Variants in KIAA1549L observed in about 807,000 individuals in gnomAD.
The protein encoded by KIAA1549L is KIAA1549 like.
Under a neutral mutation model 160.7 loss-of-function variants are expected in KIAA1549L, and 88 were observed. The observed-to-expected ratio is 0.55, with a 90% CI of 0.46 to 0.65. KIAA1549L has a LOEUF of 0.65. KIAA1549L is among the 30% of genes least tolerant of loss of function. KIAA1549L has a pLI of 0.00. For missense variants in KIAA1549L, 2,258 were observed against 2,437.5 expected (o/e 0.93, Z 1.55); for synonymous variants, 950 against 976.7 (o/e 0.97, Z 0.51).
chr11:33,538,749 T>G (rs1853949335), intron 1 of KIAA1549L, among the ~76,000 whole-genome samples: 2 of 152,234 alleles, frequency 1.3e-5, no homozygotes, highest in African/African-American at 4.8e-5. Context: ...ATATAGATAC[T>G]TCCATATAGA....
At chr11:33,613,153 G>T (rs1850690613) in intron 15 of KIAA1549L, among the ~76,000 whole-genome samples, 1 of 152,152 alleles carries the variant, frequency 6.6e-6, no homozygotes. Flanking sequence ...TGGTAGTTCT[G>T]TTCTTAGCTC....
chr11:33,403,438 T>TGCACACAC (rs1850576198), intron 1 of KIAA1549L: 1 of 38,554 alleles, frequency 2.6e-5, no homozygotes, highest in African/African-American at 1.1e-4. Flanking sequence ...CACAGAGACA[T>TGCACACAC]ACATGCAGAC....
chr11:33,553,239 A>G (rs1468713327), intron 6 of KIAA1549L, among the ~76,000 whole-genome samples: 1 of 151,898 alleles, frequency 6.6e-6, no homozygotes, highest in Non-Finnish European at 1.5e-5. Context: ...GGCTCAAGCA[A>G]TTCTCCCTTC....
intron 1 of KIAA1549L, among the ~76,000 whole-genome samples, chr11:33,517,207 A>G (rs761335381): frequency 1.3e-5 from 2 of 152,158 alleles, no homozygotes; most frequent in Non-Finnish European, 1.5e-5. Flanking sequence ...TCTGGAGTTC[A>G]TTTCCCCAAG....
chr11:33,601,036 ATT>A lies in KIAA1549L; in HGVS notation c.4879+2091_4879+2092del, dbSNP rs541704739. On this transcript the variant is annotated intron_variant, in intron 13 of 20. Coordinates refer to ENST00000658780, the MANE Select transcript of KIAA1549L (RefSeq NM_012194.3). The stretch of plus-strand genomic sequence containing the variant: ...CCCTCTCCTCCTGCCTCTTTATTCT[ATT>A]TAGGTCACTTTGACTATTTAAATAT... Among the ~76,000 whole-genome samples the A allele has an allele frequency of 1.2e-3, 180 of 152,130 alleles. 1 individual carries two copies. Among genetic ancestry groups the A allele is most frequent in the African/African-American group, 4.3e-3 (177 of 41,498 alleles).
intron 1 of KIAA1549L, among the ~76,000 whole-genome samples, chr11:33,531,620 A>T (rs1853775401): frequency 6.6e-6 from 1 of 152,272 alleles, no homozygotes; most frequent in East Asian, 1.9e-4. Context: ...CTATCAGTGC[A>T]GTCAACAGAA....
intron 10 of KIAA1549L, among the ~76,000 whole-genome samples, chr11:33,579,379 A>G (rs1429843824): frequency 6.6e-6 from 1 of 152,162 alleles, no homozygotes; most frequent in Non-Finnish European, 1.5e-5. Context: ...ACACAGCTCA[A>G]ACAATAAATT....
chr11:33,405,466 G>A (rs1359830161), intron 1 of KIAA1549L, among the ~76,000 whole-genome samples: 2 of 150,270 alleles, frequency 1.3e-5, no homozygotes, highest in Admixed American at 6.7e-5. Flanking sequence ...AAAAATTCCA[G>A]ATTCAATATC....
intron 11 of KIAA1549L, among the ~76,000 whole-genome samples, chr11:33,588,143 C>T (rs11032306): frequency 0.19 from 28,464 of 152,138 alleles, 3,373 homozygotes; most frequent in East Asian, 0.37. Flanking sequence ...AGTGAAGATG[C>T]AATGATATAA....
Position 33,672,073 on chromosome 11 carries a change from T to C in KIAA1549L, c.*3919T>C, listed in dbSNP as rs1030642609. The C allele has an allele frequency of 1.3e-5, 2 of 152,182 alleles. No homozygotes were observed. The highest frequency in any genetic ancestry group is 4.8e-5 in the African/African-American group (2 of 41,432). The allele number at this position is 152,182 out of a possible 1,614,324, so 9.4% of individuals were successfully genotyped here. ...GAAGTGCAGGTGTTGGCTGAAAGAA[T>C]AGAGGGACATTTCACAAACACAGAA... On this transcript the variant is annotated 3_prime_UTR_variant, in exon 21 of 21. Coordinates refer to ENST00000658780, the MANE Select transcript of KIAA1549L (RefSeq NM_012194.3).
chr11:33,398,629 A>G (rs1053452112), intron 1 of KIAA1549L, among the ~76,000 whole-genome samples: 2 of 152,294 alleles, frequency 1.3e-5, no homozygotes, highest in Admixed American at 1.3e-4. Flanking sequence ...TTGCTACCAC[A>G]TTTTCGCTCA....
chr11:33,583,957 T>G (rs377698992), intron 11 of KIAA1549L, among the ~76,000 whole-genome samples: 2 of 152,192 alleles, frequency 1.3e-5, no homozygotes, highest in African/African-American at 4.8e-5. Flanking sequence ...GTCCACAGAT[T>G]TATATGTTGA....
At chr11:33,454,151 A>C (rs1477127084) in intron 1 of KIAA1549L, among the ~76,000 whole-genome samples, 1 of 152,226 alleles carries the variant, frequency 6.6e-6, no homozygotes, top group Non-Finnish European at 1.5e-5. Flanking sequence ...CCAAGAAGTA[A>C]GCGGAGGAGA....
In KIAA1549L at chr11:33,376,769, T is replaced by C. The variant is rs1033602226; in HGVS notation, c.118T>C (p.Cys40Arg). 4.0e-5 allele frequency: 6 copies of C among 151,428 alleles called. No individual in the cohort carries two copies. The highest frequency in any genetic ancestry group is 8.8e-5 in the Non-Finnish European group (6 of 67,880). The allele number at this position is 151,428 out of a possible 1,614,324, so 9.4% of individuals were successfully genotyped here. ...LGRAAWGAARCTGVRGPGAGA... is the reference protein window; with the variant it reads ...LGRAAWGAARRTGVRGPGAGA... ...TCGGGCTGCCTGGGGAGCCGCGCGCTGCACGGGTGTGAGGGGCCCCGGGGC... is the reference window on the plus strand; with the variant it reads ...TCGGGCTGCCTGGGGAGCCGCGCGCCGCACGGGTGTGAGGGGCCCCGGGGC... Residue 40 changes from cysteine to arginine, a missense_variant, in exon 1 of 21, where the codon TGC (cysteine) becomes CGC (arginine). Physicochemically the swap from Cys to Arg is radical, Grantham distance 180 (BLOSUM62 -3). Transcript: ENST00000658780. This position sits in a 1 kb window ranked among gnomAD's most constrained non-coding sequence, Gnocchi z 5.8.
chr11:33,407,926 T>C (rs1233419971), intron 1 of KIAA1549L, among the ~76,000 whole-genome samples: 1 of 152,194 alleles, frequency 6.6e-6, no homozygotes, highest in Non-Finnish European at 1.5e-5. Context: ...TCTTGAGCTT[T>C]CTTTAGTCAA....
chr11:33,571,786 A>G (rs944844584), intron 9 of KIAA1549L, among the ~76,000 whole-genome samples: 2 of 152,086 alleles, frequency 1.3e-5, no homozygotes, highest in Non-Finnish European at 2.9e-5. Flanking sequence ...GAGGACATGT[A>G]TTCATACTAT....
intron 1 of KIAA1549L, among the ~76,000 whole-genome samples, chr11:33,501,678 T>G (rs967945498): frequency 5.3e-5 from 8 of 152,186 alleles, no homozygotes; most frequent in African/African-American, 1.7e-4. Flanking sequence ...TTCTGAGAAT[T>G]GTATATGTGG....
rs1299554109 is a variant in KIAA1549L, at chr11:33,435,769, T to G, written c.238+58880T>G. On this transcript the variant is annotated intron_variant, in intron 1 of 20. Coordinates refer to ENST00000658780, the MANE Select transcript of KIAA1549L (RefSeq NM_012194.3). ...AAACAGAACCAATAAGATATATATA[T>G]ATATATATATATATATATATATATA... Among the ~76,000 whole-genome samples, 52 of 7,278 alleles carry G rather than the reference T, an allele frequency of 7.1e-3. 7 individuals are homozygous for G. The highest frequency in any genetic ancestry group is 0.17 in the Middle Eastern group (2 of 12). 4.8% of individuals were successfully genotyped at this position (7,278 alleles called of 152,430 possible).
intron 1 of KIAA1549L, among the ~76,000 whole-genome samples, chr11:33,472,946 T>C (rs544220622): frequency 1.3e-5 from 2 of 152,284 alleles, no homozygotes; most frequent in South Asian, 4.1e-4. Flanking sequence ...CAGCTTCCAA[T>C]GTGTGACCAG....
Sources: gnomAD v4.1 joint callset for allele counts (sites outside exome capture counted in the v4.1 genomes callset) on GRCh38, gnomAD v4.1.1 for gene constraint, Gnocchi (gnomAD v3.1) non-coding constraint, MANE v1.5 for transcripts, NCBI Gene and HGNC (gene_info 2026-07-23, HGNC 2026-07-21) for gene names.